DIS3L: variants seen among roughly 807,000 people sequenced by gnomAD.
DIS3L encodes the protein DIS3-like exonuclease 1.
Under a neutral mutation model 120.3 loss-of-function variants are expected in DIS3L, and 100 were observed. The observed-to-expected ratio is 0.83, with a 90% CI of 0.71 to 0.98. The LOEUF (loss-of-function observed/expected upper bound fraction) is 0.98. Ranked by LOEUF, DIS3L falls within the 50% of genes least tolerant of loss-of-function variation. The pLI is 0.00. For missense variants in DIS3L, 1,196 were observed against 1,314.2 expected, an observed-to-expected ratio of 0.91 and a Z score of 1.39; for synonymous variants, 426 against 470.6, an observed-to-expected ratio of 0.91 and a Z score of 1.23.
At position 66,326,185 on chromosome 15, in the gene DIS3L, C is replaced by T. The variant is rs780014871; in HGVS notation, c.2022C>T (p.Pro674=). 1.2e-6 allele frequency: 2 copies of T among 1,614,184 alleles called. No individual in the cohort carries two copies. The highest frequency in any genetic ancestry group is 1.1e-5 in the South Asian group (1 of 91,078). Residue 674 remains proline (P), a synonymous_variant, in exon 12 of 17, where the codon CCC becomes CCT. Transcript: ENST00000319212. ...KNIHDLIPKQ[P]LEVHETVAEC... ...TTCACGACCTCATCCCCAAGCAGCC[C>T]CTGGAAGTCCACGAGACAGTGGCTG...
chr15:66,294,190 C>G, intron 1 of DIS3L: 1 of 985,646 alleles, frequency 1.0e-6, no homozygotes, highest in Non-Finnish European at 1.2e-6. Context: ...CTGACCTGCC[C>G]GCACTGTTGC....
chr15:66,299,545 CAAA>C (rs34499239), intron 2 of DIS3L, among the ~76,000 whole-genome samples: 5 of 88,056 alleles, frequency 5.7e-5, no homozygotes, highest in African/African-American at 4.8e-5. Context: ...AACTCCATCT[CAAA>C]AAAAAAAAAA....
intron 11 of DIS3L, among the ~76,000 whole-genome samples, 197 bp downstream of exon 11, chr15:66,323,782 T>C (rs548949348): frequency 6.6e-6 from 1 of 152,144 alleles, no homozygotes; most frequent in Admixed American, 6.5e-5. Flanking sequence ...TAGCCTTCCC[T>C]GCCCTTTCCC....
chr15:66,317,293 T>G (rs1238844201), intron 7 of DIS3L, among the ~76,000 whole-genome samples: 1 of 149,262 alleles, frequency 6.7e-6, no homozygotes, highest in Non-Finnish European at 1.5e-5. Context: ...CTATATTCCC[T>G]GTACCTAGAA....
chr15:66,293,555 C>T (rs2092545085), upstream of DIS3L: 22 of 1,388,866 alleles, frequency 1.6e-5, no homozygotes, highest in Non-Finnish European at 2.1e-5. Context: ...GCCTTGCCTC[C>T]GCCGCGCCCG....
intron 2 of DIS3L, among the ~76,000 whole-genome samples, chr15:66,298,269 T>TC (rs2092611236): frequency 2.1e-5 from 3 of 144,680 alleles, no homozygotes. Context: ...TAACTCCCCA[T>TC]CCAGTACCTC....
At chr15:66,307,064 C>T (rs2092709465) in intron 3 of DIS3L, 112 bp downstream of exon 3, 9 of 1,383,868 alleles carry the variant, frequency 6.5e-6, no homozygotes, top group Admixed American at 2.2e-5. Flanking sequence ...AACAATTATT[C>T]TGGAACCATG....
At chr15:66,306,741 C>T (rs1368214835) in intron 2 of DIS3L, 83 bp from the exon 3 acceptor site, 1 of 1,577,760 alleles carries the variant, frequency 6.3e-7, no homozygotes, top group Non-Finnish European at 8.7e-7. Context: ...CTAAAATACC[C>T]CATCCTTTTT....
intron 2 of DIS3L, among the ~76,000 whole-genome samples, chr15:66,302,238 T>C (rs373161963): frequency 6.6e-6 from 1 of 152,266 alleles, no homozygotes; most frequent in Admixed American, 6.5e-5. Context: ...CATGGTGGCC[T>C]GCGTCTGTAG....
In DIS3L at chr15:66,333,098, T is replaced by C. The variant is rs1172408797; in HGVS notation, c.2951T>C (p.Leu984Pro). 2.5e-6 allele frequency: 4 copies of C among 1,613,234 alleles called. No individual in the cohort carries two copies. Among genetic ancestry groups the C allele is most frequent in the Non-Finnish European group, 3.4e-6 (4 of 1,180,016 alleles). The change falls in exon 17 of 17, where the codon CTT becomes CCT. Residue 984 changes from leucine (L) to proline (P), a missense_variant. Coordinates refer to ENST00000319212, the MANE Select transcript of DIS3L (RefSeq NM_001143688.3). ...NKPYKIPNTELIHQSSPLLKS... is the reference protein window; with the variant it reads ...NKPYKIPNTEPIHQSSPLLKS... ...CCATACAAGATACCAAATACAGAAC[T>C]TATTCATCAGAGTTCCCCCTTGCTG...
chr15:66,325,849 G>A lies in DIS3L; in HGVS notation c.1686G>A (p.Met562Ile), dbSNP rs2092929929. ...GGVDRYAVSI[M>I]WELDKASYEI... ...TTTGTAGGTATGCTGTAAGCATCAT[G>A]TGGGAACTGGATAAAGCCTCTTATG... Residue 562 changes from methionine to isoleucine, a missense_variant, in exon 12 of 17, where the codon ATG becomes ATA. Coordinates refer to ENST00000319212, the MANE Select transcript of DIS3L (RefSeq NM_001143688.3). 6.2e-7 allele frequency: 1 copy of A among 1,605,558 alleles called. No individual in the cohort carries two copies. Among genetic ancestry groups the A allele is most frequent in the Non-Finnish European group, 8.5e-7 (1 of 1,172,876 alleles).
intron 2 of DIS3L, among the ~76,000 whole-genome samples, chr15:66,303,267 C>T (rs1005248259): frequency 6.6e-6 from 1 of 152,184 alleles, no homozygotes; most frequent in African/African-American, 2.4e-5. Context: ...CATAGGTATA[C>T]AAATGTCTGT....
chr15:66,320,437 A>G (rs2092869640), intron 8 of DIS3L, 134 bp from the exon 9 acceptor site: 2 of 904,546 alleles, frequency 2.2e-6, no homozygotes, highest in Non-Finnish European at 3.1e-6. Flanking sequence ...AAAAAACCCT[A>G]CCATACACCA....
At chr15:66,311,276 T>C (rs932007728) in intron 4 of DIS3L, among the ~76,000 whole-genome samples, 4 of 151,656 alleles carry the variant, frequency 2.6e-5, no homozygotes, top group African/African-American at 9.7e-5. Context: ...GGTGGGAGGA[T>C]TGCTTAAGGC....
At chr15:66,323,947 T>G (rs1000019122) in intron 11 of DIS3L, among the ~76,000 whole-genome samples, 7 of 151,924 alleles carry the variant, frequency 4.6e-5, no homozygotes, top group African/African-American at 1.5e-4. Context: ...ACTCGGGGAG[T>G]TTTTTGTTTG....
At chr15:66,327,831 G>A (rs1479755357) in intron 12 of DIS3L, among the ~76,000 whole-genome samples, 1 of 152,150 alleles carries the variant, frequency 6.6e-6, no homozygotes, top group Non-Finnish European at 1.5e-5. Flanking sequence ...GGAGGCTGAG[G>A]CAGGCACATC....
rs2093019975 is a variant in DIS3L, at chr15:66,333,126, G to C, written c.2979G>C (p.Lys993Asn). Residue 993 changes from lysine (K) to asparagine (N), a missense_variant, in exon 17 of 17, where the codon AAG (lysine) becomes AAC (asparagine). Physicochemically the swap from Lys to Asn is moderately conservative, Grantham distance 94. Transcript: ENST00000319212. ...ELIHQSSPLL[K>N]SELVKEVTKS... ...TTCATCAGAGTTCCCCCTTGCTGAA[G>C]AGTGAGTTAGTGAAAGAAGTAACTA... is the stretch of plus-strand genomic sequence containing the variant. 6.2e-7 allele frequency: 1 copy of C among 1,613,438 alleles called. No homozygotes were observed. Among genetic ancestry groups the C allele is most frequent in the Admixed American group, 1.7e-5 (1 of 59,960 alleles).
intron 8 of DIS3L, among the ~76,000 whole-genome samples, chr15:66,318,917 C>T (rs1317528042): frequency 1.3e-5 from 2 of 151,996 alleles, no homozygotes; most frequent in African/African-American, 4.8e-5. Flanking sequence ...CTCAGCCTCC[C>T]GAGTAGCTGG....
At chr15:66,306,512 A>G (rs2092703910) in intron 2 of DIS3L, among the ~76,000 whole-genome samples, 1 of 152,210 alleles carries the variant, frequency 6.6e-6, no homozygotes, top group Non-Finnish European at 1.5e-5. Flanking sequence ...GGGGCTAGGC[A>G]GGGCAAGGTG....
Sources: gnomAD v4.1 joint callset for allele counts (sites outside exome capture counted in the v4.1 genomes callset) on GRCh38, gnomAD v4.1.1 for gene constraint, MANE v1.5 for transcripts, NCBI Gene and HGNC (gene_info 2026-07-23, HGNC 2026-07-21) for gene names.